TEKT5: variants seen among roughly 807,000 people sequenced by gnomAD.
TEKT5 encodes the protein tektin-5.
A neutral mutation model predicts 48.7 loss-of-function variants in TEKT5; 52 were observed. The observed-to-expected ratio is 1.07, with a 90% CI of 0.86 to 1.35. TEKT5 has a LOEUF of 1.35. TEKT5 is among the 40% of genes most tolerant of loss of function. The pLI, the probability that TEKT5 is intolerant of heterozygous loss-of-function variation, is 0.00. For synonymous variants in TEKT5, 318 were observed against 267.6 expected (o/e 1.19, Z -1.84); for missense variants, 831 against 641.6 (o/e 1.30, Z -3.19).
Position 10,676,299 on chromosome 16 carries a change from G to C in TEKT5, c.864-118C>G, listed in dbSNP as rs74785801. 1.1e-5 allele frequency: 11 copies of C among 980,660 alleles called. No individual in the cohort carries two copies. The African/African-American group carries it at 1.5e-4, about 13-fold the overall frequency. The allele number at this position is 980,660 out of a possible 1,614,324, so 60.7% of individuals were successfully genotyped here. A position where few individuals can be genotyped will look rare whatever the true frequency, so the allele number is the denominator to read the frequency against. Reference sequence around the variant, plus strand: ...TTATTCTCTGTCCTGTGCATTGTAGGGTGCTTGGGATGTTTAAGCAGCATC... The same window carrying C: ...TTATTCTCTGTCCTGTGCATTGTAGCGTGCTTGGGATGTTTAAGCAGCATC... On this transcript the variant is annotated intron_variant, in intron 4 of 6. Coordinates refer to ENST00000283025, the MANE Select transcript of TEKT5 (RefSeq NM_144674.2).
Position 10,694,848 on chromosome 16 carries a change from G to A in TEKT5, c.26C>T (p.Thr9Ile). 6.3e-7 allele frequency: 1 copy of A among 1,582,882 alleles called. No homozygotes were observed. The highest frequency in any genetic ancestry group is 8.6e-7 in the Non-Finnish European group (1 of 1,166,368). Residue 9 changes from threonine (T) to isoleucine (I), a missense_variant, in exon 1 of 7, where the codon ACC (threonine) becomes ATC (isoleucine). By Grantham distance (89) the Thr-to-Ile change is moderately conservative (BLOSUM62 -1). Coordinates refer to ENST00000283025, the MANE Select transcript of TEKT5 (RefSeq NM_144674.2). Reference protein sequence around the residue: MEFLGTTQTASYCGPKKCC... With the variant: MEFLGTTQIASYCGPKKCC... Reference sequence around the variant, plus strand: ...TTTCTTGGGACCACAGTAACTGGCGGTCTGAGTAGTCCCAAGAAACTCCAT... The same window carrying A: ...TTTCTTGGGACCACAGTAACTGGCGATCTGAGTAGTCCCAAGAAACTCCAT...
At chr16:10,627,936 G>T in intron 6 of TEKT5, 137 bp from the exon 7 acceptor site, 1 of 674,454 alleles carries the variant, frequency 1.5e-6, no homozygotes, top group Non-Finnish European at 2.4e-6. Flanking sequence ...TCTGCCTCCC[G>T]GGTTCAAGTA....
chr16:10,631,222 C>G (rs1457304030), intron 6 of TEKT5, among the ~76,000 whole-genome samples: 1 of 144,808 alleles, frequency 6.9e-6, no homozygotes, highest in Non-Finnish European at 1.5e-5. Context: ...TACCATTACA[C>G]TCCAGCCTGG....
intron 6 of TEKT5, 132 bp from the exon 7 acceptor site, chr16:10,627,931 CT>C (rs1448407988): frequency 2.8e-6 from 2 of 709,142 alleles, no homozygotes; most frequent in Non-Finnish European, 4.5e-6. Context: ...CAACCTCTGC[CT>C]CCCGGGTTCA....
chr16:10,658,864 T>C (rs573604669), intron 5 of TEKT5, among the ~76,000 whole-genome samples: 6 of 152,116 alleles, frequency 3.9e-5, no homozygotes, highest in Non-Finnish European at 5.9e-5. Context: ...ATTACAGGCA[T>C]GCGCCACCAC....
At chr16:10,653,195 G>T (rs1898198984) in intron 5 of TEKT5, among the ~76,000 whole-genome samples, 1 of 152,250 alleles carries the variant, frequency 6.6e-6, no homozygotes, top group African/African-American at 2.4e-5. Context: ...TCACCCCATG[G>T]GAGGAGTCCT....
rs376917337 is a variant in TEKT5 at position 10,665,744 on chromosome 16, T to G, written c.1086+10215A>C. 7.2e-5 allele frequency among the ~76,000 whole-genome samples: 11 copies of G among 152,296 alleles called. No homozygotes were observed. In the East Asian group the frequency reaches 2.1e-3, roughly 29 times the overall value. Reference sequence around the variant, plus strand: ...CCAGGCACACACCACCCACGTACTATGATGAGACCTGAGCCCACGTGACAC... The same window carrying G: ...CCAGGCACACACCACCCACGTACTAGGATGAGACCTGAGCCCACGTGACAC... On this transcript the variant is annotated intron_variant, in intron 5 of 6. Coordinates refer to ENST00000283025, the MANE Select transcript of TEKT5 (RefSeq NM_144674.2).
At chr16:10,683,311 T>A (rs1340409036) in intron 3 of TEKT5, among the ~76,000 whole-genome samples, 1 of 148,504 alleles carries the variant, frequency 6.7e-6, no homozygotes, top group African/African-American at 2.5e-5. Flanking sequence ...AGGACAGGGA[T>A]TGGGTGGGGT....
intron 5 of TEKT5, among the ~76,000 whole-genome samples, chr16:10,672,112 G>A (rs916083548): frequency 6.6e-6 from 1 of 152,058 alleles, no homozygotes. Context: ...ATGTATGAAT[G>A]TACTTAATGC....
chr16:10,645,051 C>T (rs990697842), intron 5 of TEKT5, among the ~76,000 whole-genome samples: 2 of 152,132 alleles, frequency 1.3e-5, no homozygotes, highest in Admixed American at 6.6e-5. Flanking sequence ...CACCAGAACC[C>T]GATCATGCTG....
At chr16:10,662,410 C>T (rs1236345441) in intron 5 of TEKT5, among the ~76,000 whole-genome samples, 5 of 152,156 alleles carry the variant, frequency 3.3e-5, no homozygotes, top group Non-Finnish European at 5.9e-5. Flanking sequence ...CCTAAGTCAG[C>T]AACAACGAGG....
rs570200631 is a variant in TEKT5, at chr16:10,635,883, G to C, written c.1122C>G (p.Ile374Met). 2 of 1,614,106 alleles carry C rather than the reference G, an allele frequency of 1.2e-6. No homozygotes were observed. Among genetic ancestry groups the C allele is most frequent in the South Asian group, 2.2e-5 (2 of 91,090 alleles). ...LQEIFQAENT[I>M]MLLERSIMAK... The stretch of plus-strand genomic sequence containing the variant: ...CCATGATGGACCTTTCCAGCAGCAT[G>C]ATGGTGTTCTCGGCCTGGAAGATCT... The change falls in exon 6 of 7, where the codon ATC becomes ATG. Residue 374 changes from isoleucine to methionine, a missense_variant. Transcript: ENST00000283025.
intron 5 of TEKT5, among the ~76,000 whole-genome samples, chr16:10,669,548 G>A (rs983923983): frequency 1.3e-4 from 20 of 152,294 alleles, no homozygotes; most frequent in African/African-American, 1.2e-4. Context: ...AAGCAATGAA[G>A]AAGGAATAAC....
At chr16:10,694,230 A>C in intron 1 of TEKT5, 80 bp downstream of exon 1, 1 of 1,434,384 alleles carries the variant, frequency 7.0e-7, no homozygotes, top group South Asian at 1.4e-5. Context: ...TGCCACCTTC[A>C]TCTTCAGTCA....
At chr16:10,691,724 G>A (rs562789521) in intron 1 of TEKT5, among the ~76,000 whole-genome samples, 9 of 152,218 alleles carry the variant, frequency 5.9e-5, no homozygotes, top group African/African-American at 2.2e-4. Context: ...TGAGGTGGGC[G>A]GATCACGAGG....
At chr16:10,689,616 T>C (rs1005792839) in intron 2 of TEKT5, among the ~76,000 whole-genome samples, 2 of 151,254 alleles carry the variant, frequency 1.3e-5, no homozygotes, top group Non-Finnish European at 2.9e-5. Flanking sequence ...CACTCACTTA[T>C]AGATTATCAT....
At chr16:10,679,452 T>G (rs1368984512) in intron 4 of TEKT5, among the ~76,000 whole-genome samples, 1 of 144,556 alleles carries the variant, frequency 6.9e-6, no homozygotes, top group Non-Finnish European at 1.5e-5. Flanking sequence ...CGAGACTCTG[T>G]CTAAAAAAAA....
chr16:10,667,575 G>C (rs1488743064), intron 5 of TEKT5, among the ~76,000 whole-genome samples: 1 of 152,184 alleles, frequency 6.6e-6, no homozygotes, highest in Non-Finnish European at 1.5e-5. Flanking sequence ...TTCTGGTTCA[G>C]GGGGCTGCCC....
At chr16:10,682,653 G>C (rs1898777173) in intron 3 of TEKT5, among the ~76,000 whole-genome samples, 1 of 152,126 alleles carries the variant, frequency 6.6e-6, no homozygotes, top group South Asian at 2.1e-4. Flanking sequence ...AAGAAGGATG[G>C]GTAAGCACTT....
Sources: gnomAD v4.1 joint callset for allele counts (sites outside exome capture counted in the v4.1 genomes callset) on GRCh38, gnomAD v4.1.1 for gene constraint, MANE v1.5 for transcripts, NCBI Gene and HGNC (gene_info 2026-07-23, HGNC 2026-07-21) for gene names.